IMPA2: variants seen among roughly 807,000 people sequenced by gnomAD.
The protein encoded by IMPA2 is inositol monophosphatase 2, also known as IMP 2.
In IMPA2, 32 loss-of-function variants were observed where a neutral mutation model predicts 35.1. That is an observed-to-expected ratio of 0.91 (90% CI 0.69 to 1.23). The LOEUF (loss-of-function observed/expected upper bound fraction) is 1.23, where lower values mean the gene tolerates loss of function less well. Among genes scored for constraint, IMPA2 ranks in the 50% most tolerant of loss-of-function variants. The pLI is 0.00. For missense variants in IMPA2, 334 were observed against 387.6 expected, an observed-to-expected ratio of 0.86 and a Z score of 1.16; for synonymous variants, 135 against 160.6, an observed-to-expected ratio of 0.84 and a Z score of 1.20.
intron 5 of IMPA2, among the ~76,000 whole-genome samples, chr18:12,024,479 A>T (rs914211952): frequency 6.6e-6 from 1 of 150,386 alleles, no homozygotes; most frequent in Non-Finnish European, 1.5e-5. Flanking sequence ...GCAAGACTCC[A>T]TCTCAAAAAA....
At chr18:12,028,576 A>T in intron 6 of IMPA2, 1 of 511,002 alleles carries the variant, frequency 2.0e-6, no homozygotes, top group Non-Finnish European at 3.5e-6. Flanking sequence ...GTAGAGGAGG[A>T]TTCAATTCTC....
chr18:12,025,062 C>T (rs530113762), intron 5 of IMPA2, among the ~76,000 whole-genome samples: 7 of 152,344 alleles, frequency 4.6e-5, no homozygotes, highest in South Asian at 2.1e-4. Flanking sequence ...GAGCCTCTGG[C>T]AACCACTGAT....
At chr18:11,997,694 T>C (rs1287158621) in intron 1 of IMPA2, among the ~76,000 whole-genome samples, 1 of 152,114 alleles carries the variant, frequency 6.6e-6, no homozygotes, top group African/African-American at 2.4e-5. Flanking sequence ...GTCCTTGGTG[T>C]GTGCTTATCA....
intron 1 of IMPA2, among the ~76,000 whole-genome samples, chr18:11,986,552 T>A (rs1347079971): frequency 6.6e-6 from 1 of 152,244 alleles, no homozygotes; most frequent in African/African-American, 2.4e-5. Context: ...TGGTGGGCTC[T>A]GGACCCGTGT....
At chr18:12,019,560 G>C (rs139325350) in intron 5 of IMPA2, among the ~76,000 whole-genome samples, 2 of 151,722 alleles carry the variant, frequency 1.3e-5, no homozygotes, top group Admixed American at 1.3e-4. Context: ...GAGCCACCGC[G>C]CCTGGCCAAG....
rs556738586 is a variant in IMPA2 at position 12,010,225 on chromosome 18, T to G, written c.335+238T>G. 1 of 460,830 alleles carries G rather than the reference T, an allele frequency of 2.2e-6. No individual in the cohort carries two copies. Among genetic ancestry groups the G allele is most frequent in the East Asian group, 3.9e-5 (1 of 25,866 alleles). The allele number at this position is 460,830 out of a possible 1,614,324, so 28.5% of individuals were successfully genotyped here. Reference sequence around the variant, plus strand: ...CACTTGTTTAAAAACCAGTTTGTTATGTTAAAAATGTTGGGTTGCATTTAA... The same window carrying G: ...CACTTGTTTAAAAACCAGTTTGTTAGGTTAAAAATGTTGGGTTGCATTTAA... On this transcript the variant is annotated intron_variant, in intron 3 of 7. Coordinates refer to ENST00000269159, the MANE Select transcript of IMPA2 (RefSeq NM_014214.3). The surrounding 1 kb of genome is among the most constrained non-coding windows in gnomAD (Gnocchi z 4.8).
At chr18:12,015,194 C>A (rs1907544015) in intron 5 of IMPA2, among the ~76,000 whole-genome samples, 1 of 152,206 alleles carries the variant, frequency 6.6e-6, no homozygotes, top group Non-Finnish European at 1.5e-5. Context: ...CTGCTTGTTT[C>A]TGCCTTGTGT....
chr18:11,998,164 G>A (rs906784652), intron 1 of IMPA2, among the ~76,000 whole-genome samples: 1 of 152,198 alleles, frequency 6.6e-6, no homozygotes, highest in African/African-American at 2.4e-5. Context: ...GACCCAGTCT[G>A]TAAAACAAAA....
At chr18:11,992,932 C>A (rs1003100100) in intron 1 of IMPA2, among the ~76,000 whole-genome samples, 1 of 152,138 alleles carries the variant, frequency 6.6e-6, no homozygotes, top group South Asian at 2.1e-4. Flanking sequence ...TAGGACAATT[C>A]GTGAATTAAA....
At chr18:12,025,189 C>T (rs549584598) in intron 5 of IMPA2, among the ~76,000 whole-genome samples, 5 of 152,274 alleles carry the variant, frequency 3.3e-5, no homozygotes, top group South Asian at 4.2e-4. Flanking sequence ...AAGGTTCATC[C>T]GTATCTTGTC....
chr18:11,987,533 A>T (rs575906588), intron 1 of IMPA2, among the ~76,000 whole-genome samples: 1 of 151,838 alleles, frequency 6.6e-6, no homozygotes, highest in East Asian at 1.9e-4. Context: ...GTTTCACCAT[A>T]TTGGCCAGGC....
intron 1 of IMPA2, among the ~76,000 whole-genome samples, chr18:11,988,001 CTTTT>C (rs71172043): frequency 2.9e-5 from 3 of 101,864 alleles, no homozygotes; most frequent in African/African-American, 1.1e-4. Context: ...TGTTTATTGG[CTTTT>C]TTTTTTTTTT....
At chr18:12,018,632 A>G (rs1413272552) in intron 5 of IMPA2, among the ~76,000 whole-genome samples, 1 of 152,240 alleles carries the variant, frequency 6.6e-6, no homozygotes, top group Non-Finnish European at 1.5e-5. Context: ...AAAATTCATT[A>G]CATTTTAACG....
intron 1 of IMPA2, among the ~76,000 whole-genome samples, chr18:11,989,773 C>T (rs1906762203): frequency 6.6e-6 from 1 of 152,116 alleles, no homozygotes; most frequent in Admixed American, 6.6e-5. Flanking sequence ...AGAGTGAGTC[C>T]TGGACTCTGT....
At chr18:11,996,146 G>T (rs1396995115) in intron 1 of IMPA2, among the ~76,000 whole-genome samples, 3 of 152,222 alleles carry the variant, frequency 2.0e-5, no homozygotes, top group Non-Finnish European at 4.4e-5. Context: ...AGAAGGATCA[G>T]AAAACAGGAA....
chr18:12,028,196 G>A (rs756216435), intron 6 of IMPA2, 45 bp downstream of exon 6: 2 of 1,298,684 alleles, frequency 1.5e-6, no homozygotes, highest in Non-Finnish European at 2.2e-6. Context: ...CGAGGAGGAA[G>A]AACGGAACAC....
At chr18:12,014,181 C>G (rs1907510312) in intron 4 of IMPA2, 84 bp from the exon 5 acceptor site, 2 of 929,998 alleles carry the variant, frequency 2.2e-6, no homozygotes, top group East Asian at 2.5e-5. Context: ...CCTAGCGCAG[C>G]CTTCATCTTT....
intron 4 of IMPA2, 87 bp downstream of exon 4, chr18:12,012,302 G>T (rs1400044258): frequency 9.1e-7 from 1 of 1,103,428 alleles, no homozygotes; most frequent in Non-Finnish European, 1.4e-6. Flanking sequence ...TGTGCGCCTG[G>T]TTTGCTGTTT....
chr18:11,981,939 C>T (rs1906512434), intron 1 of IMPA2, among the ~76,000 whole-genome samples, 174 bp downstream of exon 1: 1 of 151,938 alleles, frequency 6.6e-6, no homozygotes, highest in African/African-American at 2.4e-5. Flanking sequence ...CCTGGACACA[C>T]CTCCCGCGCC....
Sources: allele counts gnomAD v4.1 joint callset (sites outside exome capture counted in the v4.1 genomes callset), GRCh38; gene constraint gnomAD v4.1.1; non-coding constraint Gnocchi (gnomAD v3.1); transcripts MANE v1.5; gene names NCBI Gene and HGNC (gene_info 2026-07-23, HGNC 2026-07-21).